Variants in GYS2 observed in about 807,000 individuals in gnomAD.
GYS2 encodes the protein glycogen synthase 2.
A neutral mutation model predicts 85.6 loss-of-function variants in GYS2; 80 were observed. That is an observed-to-expected ratio of 0.93 (90% CI 0.78 to 1.13). The LOEUF (loss-of-function observed/expected upper bound fraction) is 1.13, where lower values mean the gene tolerates loss of function less well. Among genes scored for constraint, GYS2 ranks in the 50% most tolerant of loss-of-function variants. GYS2 has a pLI of 0.00. For synonymous variants in GYS2, 328 were observed against 300.7 expected (o/e 1.09, Z -0.94); for missense variants, 881 against 854.9 (o/e 1.03, Z -0.38).
chr12:21,550,399 C>A (rs1944093578), intron 11 of GYS2, among the ~76,000 whole-genome samples: 1 of 151,822 alleles, frequency 6.6e-6, no homozygotes, highest in Non-Finnish European at 1.5e-5. Context: ...GGTCAATCTT[C>A]TTCTGTGTAA....
chr12:21,553,079 C>A (rs1042637490), intron 11 of GYS2, among the ~76,000 whole-genome samples: 2 of 152,118 alleles, frequency 1.3e-5, no homozygotes, highest in Admixed American at 1.3e-4. Flanking sequence ...AGATGGGGTC[C>A]CACTCTGTCG....
chr12:21,542,349 C>T, intron 13 of GYS2, 147 bp downstream of exon 13: 2 of 667,954 alleles, frequency 3.0e-6, no homozygotes, highest in Non-Finnish European at 5.6e-6. Flanking sequence ...TGTGCCCAGC[C>T]TAAATTGACT....
At chr12:21,542,971 G>T (rs771253379) in intron 12 of GYS2, among the ~76,000 whole-genome samples, 2 of 152,138 alleles carry the variant, frequency 1.3e-5, no homozygotes, top group Non-Finnish European at 2.9e-5. Flanking sequence ...CTTCTTTCTA[G>T]CCTGTGTTTC....
rs114025396 is a variant in GYS2 at position 21,537,033 on chromosome 12, C to T, written c.2033G>A (p.Arg678Gln). ...YDEEEEAERD[R>Q]LNIKSPFSLS... Reference sequence around the variant, plus strand: ...TGAAAATGGTGACTTGATATTTAACCGATCCCTTTCAGCCTCCTCTTCCTC... The same window carrying T: ...TGAAAATGGTGACTTGATATTTAACTGATCCCTTTCAGCCTCCTCTTCCTC... The change falls in exon 16 of 16, where the codon CGG (arginine) becomes CAG (glutamine). Residue 678 changes from arginine (R) to glutamine (Q), a missense_variant. By Grantham distance (43) the Arg-to-Gln change is conservative. Coordinates refer to ENST00000261195, the MANE Select transcript of GYS2 (RefSeq NM_021957.4). The T allele has an allele frequency of 9.9e-6, 16 of 1,613,916 alleles. No homozygotes were observed. Among genetic ancestry groups the T allele is most frequent in the African/African-American group, 2.7e-5 (2 of 75,002 alleles).
At chr12:21,572,302 G>A (rs911004979) in intron 4 of GYS2, among the ~76,000 whole-genome samples, 1 of 152,136 alleles carries the variant, frequency 6.6e-6, no homozygotes, top group African/African-American at 2.4e-5. Flanking sequence ...TTTTACAAAA[G>A]TTTAATTATC....
At chr12:21,558,757 C>G (rs1467164509) in intron 10 of GYS2, among the ~76,000 whole-genome samples, 1 of 152,110 alleles carries the variant, frequency 6.6e-6, no homozygotes, top group Admixed American at 6.5e-5. Context: ...AAGAAATATT[C>G]TTTTCTCTAA....
chr12:21,542,633 C>G, intron 12 of GYS2, 42 bp from the exon 13 acceptor site: 1 of 1,343,064 alleles, frequency 7.4e-7, no homozygotes, highest in Middle Eastern at 1.8e-4. Flanking sequence ...CAGACCAGCG[C>G]CTATATCCTT....
chr12:21,548,946 T>G (rs1944074125), intron 11 of GYS2, among the ~76,000 whole-genome samples: 1 of 152,082 alleles, frequency 6.6e-6, no homozygotes, highest in African/African-American at 2.4e-5. Context: ...CAGTGAGAGT[T>G]TTCATAGAAT....
intron 6 of GYS2, 54 bp downstream of exon 6, chr12:21,563,174 C>T (rs1944276415): frequency 1.6e-6 from 2 of 1,226,020 alleles, no homozygotes; most frequent in South Asian, 1.2e-5. Context: ...TTCTCTCTAC[C>T]AAAGATCACT....
intron 13 of GYS2, 109 bp downstream of exon 13, chr12:21,542,387 T>C (rs912023319): frequency 1.3e-6 from 1 of 768,940 alleles, no homozygotes; most frequent in Non-Finnish European, 2.4e-6. Context: ...TATAAAAACA[T>C]TAGTTTAATT....
rs1320436830 is a variant in GYS2, at chr12:21,542,480, T to G, written c.1645+16A>C. On this transcript the variant is annotated intron_variant, in intron 13 of 15. Coordinates refer to ENST00000261195, the MANE Select transcript of GYS2 (RefSeq NM_021957.4). ...GTCATGTCTCCCCAGCATGGGTTAATGATGAAAACCCTCACCGTAAGCAGT... is the reference window on the plus strand; with the variant it reads ...GTCATGTCTCCCCAGCATGGGTTAAGGATGAAAACCCTCACCGTAAGCAGT... 6.5e-7 allele frequency: 1 copy of G among 1,546,596 alleles called. No individual in the cohort carries two copies. The highest frequency in any genetic ancestry group is 1.7e-5 in the Admixed American group (1 of 59,934).
intron 11 of GYS2, among the ~76,000 whole-genome samples, chr12:21,554,094 AC>A (rs151189477): frequency 1.7e-4 from 26 of 152,094 alleles, no homozygotes; most frequent in African/African-American, 6.0e-4. Context: ...AAATACATTG[AC>A]TTTCCTTTCT....
intron 3 of GYS2, among the ~76,000 whole-genome samples, 179 bp from the exon 4 acceptor site, chr12:21,574,505 C>T (rs1944422937): frequency 6.6e-6 from 1 of 152,010 alleles, no homozygotes; most frequent in Non-Finnish European, 1.5e-5. Context: ...TGTTCATTAA[C>T]CCCATATATT....
chr12:21,534,407 C>T (rs970434324), downstream of GYS2, among the ~76,000 whole-genome samples: 2 of 152,038 alleles, frequency 1.3e-5, no homozygotes, highest in Admixed American at 6.5e-5. Context: ...GTCTGAGATA[C>T]TTGGGAGGCT....
rs750540143 is a variant in GYS2, at chr12:21,558,262, C to T, written c.1360G>A (p.Asp454Asn). The change falls in exon 11 of 16, where the codon GAC (aspartate) becomes AAC (asparagine). Residue 454 changes from aspartate (D) to asparagine (N), a missense_variant. Physicochemically the swap from Asp to Asn is conservative, Grantham distance 23. Coordinates refer to ENST00000261195, the MANE Select transcript of GYS2 (RefSeq NM_021957.4). ...CGTCTAATGGTGCTGAGGATGGGGT[C>T]GGTGGAGTCATCAATCATGTTGTGC... ...TTHNMIDDSTDPILSTIRRIG... is the reference protein window; with the variant it reads ...TTHNMIDDSTNPILSTIRRIG... 1.1e-5 allele frequency: 17 copies of T among 1,613,706 alleles called. No homozygotes were observed. The highest frequency in any genetic ancestry group is 1.7e-5 in the Admixed American group (1 of 59,978).
At chr12:21,590,634 G>A (rs566035572) in intron 1 of GYS2, among the ~76,000 whole-genome samples, 1 of 152,226 alleles carries the variant, frequency 6.6e-6, no homozygotes, top group South Asian at 2.1e-4. Context: ...AGTCTACTAT[G>A]GCCACTACTG....
chr12:21,575,973 A>C lies in GYS2; in HGVS notation c.388T>G (p.Trp130Gly). Residue 130 changes from tryptophan to glycine, a missense_variant, in exon 3 of 16, where the codon TGG becomes GGG. Transcript: ENST00000261195. ...CATGCTTCCCAGAGGTCACCCTTCC[A>C]CCTGTCCAGATTCCAAGCTGAATAG... ...IGYSAWNLDR[W>G]KGDLWEACSV... The C allele has an allele frequency of 1.2e-6, 2 of 1,613,712 alleles. No individual in the cohort carries two copies. The highest frequency in any genetic ancestry group is 1.7e-6 in the Non-Finnish European group (2 of 1,179,724).
intron 1 of GYS2, among the ~76,000 whole-genome samples, chr12:21,586,436 T>TATCTATC (rs1944574363): frequency 1.3e-5 from 2 of 151,830 alleles, no homozygotes; most frequent in Admixed American, 6.6e-5. Context: ...TCTATCTATC[T>TATCTATC]ATCTATCTAT....
intron 12 of GYS2, among the ~76,000 whole-genome samples, chr12:21,544,931 A>AT (rs148558069): frequency 0.3 from 45,750 of 151,794 alleles, 8,534 homozygotes; most frequent in South Asian, 0.54. Context: ...ACAGGATCCT[A>AT]TTTTTGTAGA....
Sources: gnomAD v4.1 joint callset for allele counts (sites outside exome capture counted in the v4.1 genomes callset) on GRCh38, gnomAD v4.1.1 for gene constraint, MANE v1.5 for transcripts, NCBI Gene and HGNC (gene_info 2026-07-23, HGNC 2026-07-21) for gene names.